The following KIFC3 variants were observed in gnomAD, a reference collection of about 807,000 sequenced individuals.
KIFC3 encodes the protein kinesin family member C3, also known as kinesin-like protein KIFC3.
A neutral mutation model predicts 101.8 loss-of-function variants in KIFC3; 60 were observed. The ratio of observed to expected loss-of-function variants is 0.59; its 90% confidence interval spans 0.48 to 0.73. The LOEUF (loss-of-function observed/expected upper bound fraction) is 0.73. Among genes scored for constraint, KIFC3 ranks in the 30% least tolerant of loss-of-function variants. The pLI is 0.00. For missense variants in KIFC3, 966 were observed against 1,137.1 expected, an observed-to-expected ratio of 0.85 and a Z score of 2.16; for synonymous variants, 476 against 482.7, an observed-to-expected ratio of 0.99 and a Z score of 0.18.
chr16:57,759,034 C>A, intron 19 of KIFC3, 91 bp downstream of exon 19: 1 of 1,537,270 alleles, frequency 6.5e-7, no homozygotes, highest in Non-Finnish European at 8.8e-7. Context: ...GGGCTAGACC[C>A]AGCTCTGAAC....
At chr16:57,765,184 G>A (rs1345844865) in intron 11 of KIFC3, among the ~76,000 whole-genome samples, 4 of 152,020 alleles carry the variant, frequency 2.6e-5, no homozygotes, top group Admixed American at 6.5e-5. Flanking sequence ...GGGGCCACAC[G>A]GTAGAAGGGG....
intron 3 of KIFC3, among the ~76,000 whole-genome samples, chr16:57,792,190 G>C (rs1218511574): frequency 5.3e-5 from 8 of 152,166 alleles, no homozygotes; most frequent in African/African-American, 1.9e-4. Flanking sequence ...TGGGGGAGTG[G>C]TGGGCCCTCT....
At chr16:57,763,577 C>G (rs1226558332) in intron 12 of KIFC3, among the ~76,000 whole-genome samples, 1 of 152,148 alleles carries the variant, frequency 6.6e-6, no homozygotes, top group African/African-American at 2.4e-5. Flanking sequence ...CCTTCCTAGT[C>G]TCAACGCCCC....
intron 1 of KIFC3, chr16:57,816,083 A>T (rs1336066156): frequency 4.2e-6 from 3 of 713,596 alleles, no homozygotes; most frequent in Non-Finnish European, 5.9e-6. Context: ...ACGTACCCAC[A>T]GGAAGGATGT....
At position 57,769,520 on chromosome 16, in the gene KIFC3, C is replaced by T. The variant is rs9888743; in HGVS notation, c.1218+75G>A. 3.6e-3 allele frequency: 5,506 copies of T among 1,527,432 alleles called. 144 individuals carry two copies. In the African/African-American group the frequency reaches 0.062, roughly 17 times the overall value. The allele number at this position is 1,527,432 out of a possible 1,614,324, so 94.6% of individuals were successfully genotyped here. A position where few individuals can be genotyped will look rare whatever the true frequency, so the allele number is the denominator to read the frequency against. On this transcript the variant is annotated intron_variant, in intron 9 of 19. Transcript: ENST00000445690. This position sits in a 1 kb window ranked among gnomAD's most constrained non-coding sequence, Gnocchi z 4.3. Reference sequence around the variant, plus strand: ...CGGCTTTGTCTGAGCTTTGGAGGGACGCCCTGAGTGGATGTCGTGCCTCTC... The same window carrying T: ...CGGCTTTGTCTGAGCTTTGGAGGGATGCCCTGAGTGGATGTCGTGCCTCTC...
At chr16:57,833,266 T>C (rs1294143978) in intron 1 of KIFC3, among the ~76,000 whole-genome samples, 2 of 152,188 alleles carry the variant, frequency 1.3e-5, no homozygotes, top group East Asian at 1.9e-4. Flanking sequence ...GTGGCTACCG[T>C]TTCCTATCTT....
chr16:57,788,543 G>T (rs1555618792), intron 3 of KIFC3: 2 of 1,276,218 alleles, frequency 1.6e-6, no homozygotes, highest in East Asian at 1.1e-4. Flanking sequence ...CTTCACTGGG[G>T]AGTGCCGGTT....
intron 3 of KIFC3, among the ~76,000 whole-genome samples, chr16:57,783,525 T>C (rs1270895890): frequency 6.9e-6 from 1 of 144,782 alleles, no homozygotes; most frequent in African/African-American, 2.6e-5. Context: ...CAGGCTGGAG[T>C]GCAGTGGCGT....
intron 3 of KIFC3, chr16:57,775,640 A>G: frequency 1.0e-6 from 1 of 985,578 alleles, no homozygotes; most frequent in Non-Finnish European, 1.2e-6. Flanking sequence ...CGCAGCTTCC[A>G]GCCAGCAAGG....
At chr16:57,841,254 G>A (rs2055804439) in intron 1 of KIFC3, among the ~76,000 whole-genome samples, 1 of 152,198 alleles carries the variant, frequency 6.6e-6, no homozygotes, top group South Asian at 2.1e-4. Flanking sequence ...GTAATTTCTA[G>A]TAGGGTGGTC....
chr16:57,767,884 G>A (rs782268616), intron 9 of KIFC3, among the ~76,000 whole-genome samples: 6 of 151,990 alleles, frequency 3.9e-5, no homozygotes, highest in East Asian at 1.9e-4. Flanking sequence ...CTATGTTGCC[G>A]AAGCTGGTCT....
intron 1 of KIFC3, among the ~76,000 whole-genome samples, chr16:57,822,958 T>C (rs2055382182): frequency 6.6e-6 from 1 of 151,494 alleles, no homozygotes; most frequent in African/African-American, 2.4e-5. Context: ...AATTCTAAGG[T>C]CCCCCCCAAC....
chr16:57,788,436 G>A (rs571834899), intron 3 of KIFC3: 33 of 669,258 alleles, frequency 4.9e-5, no homozygotes, highest in South Asian at 3.0e-4. Context: ...TTGCAGCTGC[G>A]GATCAGGCAG....
intron 1 of KIFC3, among the ~76,000 whole-genome samples, chr16:57,828,336 C>T (rs910591828): frequency 3.9e-5 from 6 of 152,254 alleles, no homozygotes; most frequent in African/African-American, 1.2e-4. Flanking sequence ...AATGGTAGAC[C>T]GGGACTCGGC....
Position 57,758,636 on chromosome 16 carries a change from C to A in KIFC3, c.*298G>T. 1 of 699,134 alleles carries A rather than the reference C, an allele frequency of 1.4e-6. No individual in the cohort carries two copies. The highest frequency in any genetic ancestry group is 2.6e-6 in the Non-Finnish European group (1 of 383,492). 43.3% of individuals were successfully genotyped at this position (699,134 alleles called of 1,614,324 possible). ...CTCCTCCACACTCCCGCCCTCCTCA[C>A]GGGGCCCAGTTCGCTGATGGCCCAG... On this transcript the variant is annotated 3_prime_UTR_variant, in exon 20 of 20. Transcript: ENST00000445690.
chr16:57,785,663 C>G (rs2053243917), intron 3 of KIFC3: 2 of 1,239,106 alleles, frequency 1.6e-6, no homozygotes, highest in Non-Finnish European at 2.1e-6. Flanking sequence ...AAAGAGACGC[C>G]CACCTACGAG....
chr16:57,840,708 C>T (rs1187091644), intron 1 of KIFC3, among the ~76,000 whole-genome samples: 2 of 149,820 alleles, frequency 1.3e-5, no homozygotes, highest in Non-Finnish European at 3.0e-5. Context: ...TGTAGCTAGC[C>T]GAGATCTCGC....
At chr16:57,803,222 C>T, upstream of KIFC3, 1 of 713,020 alleles carries the variant, frequency 1.4e-6, no homozygotes, top group South Asian at 1.5e-5. Flanking sequence ...GCAGAAGGCC[C>T]TGCTACTGGG....
chr16:57,844,753 T>G (rs181616942), intron 1 of KIFC3, among the ~76,000 whole-genome samples: 5 of 152,268 alleles, frequency 3.3e-5, no homozygotes, highest in Admixed American at 3.3e-4. Context: ...TGACAGTCTA[T>G]GGGAGCACAG....
Sources: allele counts gnomAD v4.1 joint callset (sites outside exome capture counted in the v4.1 genomes callset), GRCh38; gene constraint gnomAD v4.1.1; non-coding constraint Gnocchi (gnomAD v3.1); transcripts MANE v1.5; gene names NCBI Gene and HGNC (gene_info 2026-07-23, HGNC 2026-07-21).